The following HROB variants were observed in gnomAD, a reference collection of about 807,000 sequenced individuals.
HROB encodes the protein homologous recombination factor with OB-fold.
HROB carries 44 observed loss-of-function variants against 61.0 expected under a neutral mutation model. The observed-to-expected ratio is 0.72, with a 90% confidence interval of 0.57 to 0.93. The LOEUF is 0.93. Ranked by LOEUF, HROB falls within the 40% of genes least tolerant of loss-of-function variation. HROB has a pLI of 0.00. For synonymous variants in HROB, 301 were observed against 310.4 expected, an observed-to-expected ratio of 0.97 and a Z score of 0.32; for missense variants, 716 against 796.2, an observed-to-expected ratio of 0.90 and a Z score of 1.21.
chr17:44,154,363 A>C, intron 5 of HROB, 193 bp from the exon 6 acceptor site: 1 of 564,056 alleles, frequency 1.8e-6, no homozygotes, highest in African/African-American at 1.9e-5. Context: ...GAGGCAGGGG[A>C]GAGAAATGAA....
rs138929829 is a variant in HROB at position 44,155,327 on chromosome 17, C to T, written c.1686C>T (p.Asn562=). Residue 562 remains asparagine (N), a synonymous_variant, in exon 8 of 10, where the codon AAC becomes AAT. Transcript: ENST00000585683. Reference sequence around the variant, plus strand: ...CTTCACTTCGAAATCACTACCTCAACGTGACACCCAACAACCTGGTCCATA... The same window carrying T: ...CTTCACTTCGAAATCACTACCTCAATGTGACACCCAACAACCTGGTCCATA... ...FSPSLRNHYL[N]VTPNNLVHIY... The T allele has an allele frequency of 9.3e-6, 15 of 1,614,024 alleles. No homozygotes were observed. Among genetic ancestry groups the T allele is most frequent in the African/African-American group, 8.0e-5 (6 of 74,908 alleles).
chr17:44,146,130 A>C (rs1598085642), intron 2 of HROB, among the ~76,000 whole-genome samples: 1 of 152,178 alleles, frequency 6.6e-6, no homozygotes, highest in South Asian at 2.1e-4. Flanking sequence ...GCTCACTGCA[A>C]CCTCAACCTC....
chr17:44,152,909 CT>C, intron 5 of HROB, 132 bp downstream of exon 5: 1 of 1,175,526 alleles, frequency 8.5e-7, no homozygotes, highest in East Asian at 2.5e-5. Context: ...CACGAAGCCC[CT>C]TTGGTTGTAT....
In HROB at chr17:44,160,395, G is replaced by A. The variant is rs527598598; in HGVS notation, c.1880-1476G>A. Among the ~76,000 whole-genome samples, 410 of 151,856 alleles carry A rather than the reference G, an allele frequency of 2.7e-3. 9 individuals are homozygous for A. The highest frequency in any genetic ancestry group is 2.3e-3 in the East Asian group (12 of 5,136). ...ATCCTGACTAACATGGTGAAACCCC[G>A]TCTCTACTAAAAATACACAAAAAAT... is the stretch of plus-strand genomic sequence containing the variant. On this transcript the variant is annotated intron_variant, in intron 9 of 9. Coordinates refer to ENST00000585683, the MANE Select transcript of HROB (RefSeq NM_001171251.3).
chr17:44,157,409 T>TTC (rs1555561430), intron 8 of HROB, among the ~76,000 whole-genome samples: 412 of 106,930 alleles, frequency 3.9e-3, no homozygotes, highest in African/African-American at 9.6e-3. Flanking sequence ...ATGTTTCTTT[T>TTC]TTTTTTTTTT....
At position 44,148,975 on chromosome 17, in the gene HROB, C is replaced by A. The variant is rs1172194251; in HGVS notation, c.1172C>A (p.Thr391Asn). Reference sequence around the variant, plus strand: ...CCCCAGCAGCCCACCCATCCCTCCACCCGAGCCAAAACTCGCCGTTTCCCT... The same window carrying A: ...CCCCAGCAGCCCACCCATCCCTCCAACCGAGCCAAAACTCGCCGTTTCCCT... ...RTPQQPTHPS[T>N]RAKTRRFPGP... The change falls in exon 3 of 10, where the codon ACC becomes AAC. Residue 391 changes from threonine (T) to asparagine (N), a missense_variant. Coordinates refer to ENST00000585683, the MANE Select transcript of HROB (RefSeq NM_001171251.3). 6.2e-7 allele frequency: 1 copy of A among 1,614,092 alleles called. No individual in the cohort carries two copies. The highest frequency in any genetic ancestry group is 2.2e-5 in the East Asian group (1 of 44,888).
chr17:44,148,709 G>A lies in HROB; in HGVS notation c.906G>A (p.Gln302=). 6.2e-7 allele frequency: 1 copy of A among 1,614,106 alleles called. No homozygotes were observed. The highest frequency in any genetic ancestry group is 1.1e-5 in the South Asian group (1 of 91,082). ...ATCGTTTCCCTTGTCAGCCATTCCAGTCTCCAAGTTCCTGGTTAAGTGGCA... is the reference window on the plus strand; with the variant it reads ...ATCGTTTCCCTTGTCAGCCATTCCAATCTCCAAGTTCCTGGTTAAGTGGCA... ...PQNRFPCQPF[Q]SPSSWLSGKA... The change falls in exon 3 of 10, where the codon CAG becomes CAA. Residue 302 remains glutamine, a synonymous_variant. Coordinates refer to ENST00000585683, the MANE Select transcript of HROB (RefSeq NM_001171251.3).
At chr17:44,144,467 G>C (rs1359756782) in intron 1 of HROB, among the ~76,000 whole-genome samples, 2 of 152,082 alleles carry the variant, frequency 1.3e-5, no homozygotes, top group Non-Finnish European at 2.9e-5. Context: ...GTAGAGATGG[G>C]GTTTCACTGT....
In HROB at chr17:44,155,273, T is replaced by G; in HGVS notation, c.1645-13T>G. The G allele has an allele frequency of 6.2e-7, 1 of 1,613,918 alleles. No individual in the cohort carries two copies. The highest frequency in any genetic ancestry group is 8.5e-7 in the Non-Finnish European group (1 of 1,179,876). ...TCCATCAGGACACTGACCTTCCCTT[T>G]CCTTGACTCCAGATTGGAGTGTTTT... On this transcript the variant is annotated splice_polypyrimidine_tract_variant and intron_variant, in intron 7 of 9. Transcript: ENST00000585683.
chr17:44,154,785 G>T, intron 6 of HROB, 68 bp from the exon 7 acceptor site: 2 of 1,599,430 alleles, frequency 1.3e-6, no homozygotes, highest in Non-Finnish European at 1.7e-6. Context: ...CCACTTCCCA[G>T]CCAGGGCCCA....
At chr17:44,155,674 T>C (rs926209927) in intron 8 of HROB, among the ~76,000 whole-genome samples, 1 of 152,044 alleles carries the variant, frequency 6.6e-6, no homozygotes, top group Admixed American at 6.5e-5. Flanking sequence ...TCTGAGAGGA[T>C]AGGAGTCACT....
Position 44,147,510 on chromosome 17 carries a change from C to A in HROB, c.55-348C>A, listed in dbSNP as rs2053647274. ...GGAGTACAGTGGCACCATCTCAGCT[C>A]ACTGCCAACCTCTGCCTCTCAGGTT... On this transcript the variant is annotated intron_variant, in intron 2 of 9. Transcript: ENST00000585683. Among the ~76,000 whole-genome samples, 3 of 148,382 alleles carry A rather than the reference C, an allele frequency of 2.0e-5. No individual in the cohort carries two copies. The Admixed American group carries it at 2.0e-4, about 10-fold the overall frequency.
Position 44,148,185 on chromosome 17 carries a change from A to G in HROB, c.382A>G (p.Arg128Gly), listed in dbSNP as rs769188545. ...TVTEVLRETA[R>G]PQSSALHPLL... ...GACAGAAGTGCTCAGAGAGACAGCA[A>G]GACCTCAGTCCTCAGCCTTACACCC... The change falls in exon 3 of 10, where the codon AGA (arginine) becomes GGA (glycine). Residue 128 changes from arginine to glycine, a missense_variant. Transcript: ENST00000585683. The G allele has an allele frequency of 6.2e-7, 1 of 1,614,206 alleles. No individual in the cohort carries two copies. Among genetic ancestry groups the G allele is most frequent in the Non-Finnish European group, 8.5e-7 (1 of 1,180,018 alleles).
intron 9 of HROB, among the ~76,000 whole-genome samples, chr17:44,159,899 G>A (rs771992725): frequency 5.3e-5 from 8 of 152,372 alleles, no homozygotes; most frequent in Non-Finnish European, 8.8e-5. Flanking sequence ...ACAGGGAGAC[G>A]TTGAAGCCTC....
chr17:44,154,129 G>A (rs1305057505), intron 5 of HROB, among the ~76,000 whole-genome samples: 2 of 152,012 alleles, frequency 1.3e-5, no homozygotes, highest in African/African-American at 4.8e-5. Context: ...GGATCACGAG[G>A]TCAGGAGTTC....
In HROB at chr17:44,141,987, T is replaced by C; in HGVS notation, c.-156T>C. 1 of 1,074,340 alleles carries C rather than the reference T, an allele frequency of 9.3e-7. No homozygotes were observed. The highest frequency in any genetic ancestry group is 2.1e-4 in the Middle Eastern group (1 of 4,796). The allele number at this position is 1,074,340 out of a possible 1,614,324, so 66.6% of individuals were successfully genotyped here. On this transcript the variant is annotated 5_prime_UTR_variant, in exon 1 of 10. Transcript: ENST00000585683. ...CCTGCCGCCAGTCTCCTGGCGACTTTCCCTATATCGCAGAGACTCATCCCT... is the reference window on the plus strand; with the variant it reads ...CCTGCCGCCAGTCTCCTGGCGACTTCCCCTATATCGCAGAGACTCATCCCT...
At chr17:44,156,549 T>C (rs1044960282) in intron 8 of HROB, among the ~76,000 whole-genome samples, 10 of 152,240 alleles carry the variant, frequency 6.6e-5, no homozygotes, top group African/African-American at 2.2e-4. Flanking sequence ...TTTCAAATTA[T>C]CTATACTTAT....
At chr17:44,146,957 A>G (rs1341197921) in intron 2 of HROB, among the ~76,000 whole-genome samples, 1 of 152,084 alleles carries the variant, frequency 6.6e-6, no homozygotes, top group Non-Finnish European at 1.5e-5. Context: ...CTGAAAAGCT[A>G]TATTTAACTT....
At chr17:44,143,659 A>G (rs1388582783) in intron 1 of HROB, among the ~76,000 whole-genome samples, 1 of 151,870 alleles carries the variant, frequency 6.6e-6, no homozygotes, top group Non-Finnish European at 1.5e-5. Context: ...GAAAAAAAAA[A>G]AAAGAAAATT....
Sources: allele counts gnomAD v4.1 joint callset (sites outside exome capture counted in the v4.1 genomes callset), GRCh38; gene constraint gnomAD v4.1.1; transcripts MANE v1.5; gene names NCBI Gene and HGNC (gene_info 2026-07-23, HGNC 2026-07-21).